KLK14: variants seen among roughly 807,000 people sequenced by gnomAD.
KLK14 encodes the protein kallikrein related peptidase 14.
KLK14 carries 21 observed loss-of-function variants against 24.6 expected under a neutral mutation model. The ratio of observed to expected loss-of-function variants is 0.85; its 90% confidence interval spans 0.61 to 1.23. KLK14 has a LOEUF of 1.23. Among genes scored for constraint, KLK14 ranks in the 50% most tolerant of loss-of-function variants. The pLI, the probability that KLK14 is intolerant of heterozygous loss-of-function variation, is 0.00. For missense variants in KLK14, 320 were observed against 338.9 expected, an observed-to-expected ratio of 0.94 and a Z score of 0.44; for synonymous variants, 133 against 139.7, an observed-to-expected ratio of 0.95 and a Z score of 0.34.
chr19:51,083,280 A>AGAGAGG (rs1007985506), upstream of KLK14, among the ~76,000 whole-genome samples: 2 of 122,590 alleles, frequency 1.6e-5, no homozygotes, highest in Non-Finnish European at 3.4e-5. Context: ...GGGAGGAGGG[A>AGAGAGG]GAGAGGGAGA....
Position 51,078,018 on chromosome 19 carries a change from G to A in KLK14, c.745C>T (p.Arg249Trp), listed in dbSNP as rs532898894. The change falls in exon 6 of 6, where the codon CGG (arginine) becomes TGG (tryptophan). Residue 249 changes from arginine (R) to tryptophan (W), a missense_variant. By Grantham distance (101) the Arg-to-Trp change is moderately radical. Transcript: ENST00000650543. This position sits in a 1 kb window ranked among gnomAD's most constrained non-coding sequence, Gnocchi z 5.0. The stretch of plus-strand genomic sequence containing the variant: ...CACCGTGAAGACCATCATTTGTCCC[G>A]CATCGTTTCCTCAATCCAGCTTCTG... ...KYRSWIEETM[R>W]DK 1.6e-5 allele frequency: 26 copies of A among 1,613,844 alleles called. No homozygotes were observed. Among genetic ancestry groups the A allele is most frequent in the South Asian group, 8.8e-5 (8 of 91,082 alleles).
At chr19:51,081,502 G>C (rs2091838755) in intron 3 of KLK14, 30 bp downstream of exon 3, 2 of 1,445,586 alleles carry the variant, frequency 1.4e-6, no homozygotes, top group Non-Finnish European at 1.8e-6. Context: ...GAATTCACTA[G>C]GTACAGGGAC....
At chr19:51,080,039 C>T (rs2091830608) in intron 3 of KLK14, among the ~76,000 whole-genome samples, 1 of 152,232 alleles carries the variant, frequency 6.6e-6, no homozygotes, top group Non-Finnish European at 1.5e-5. Flanking sequence ...TGAGTCTAGG[C>T]TCTAAATCGG....
In KLK14 at chr19:51,081,369, C is replaced by T. The variant is rs2091837931; in HGVS notation, c.212+163G>A. Reference sequence around the variant, plus strand: ...TGAGTTCGAGATTTATGGAGGAGCCCACATCCCGAGCTGTGTTTTTGTTCC... The same window carrying T: ...TGAGTTCGAGATTTATGGAGGAGCCTACATCCCGAGCTGTGTTTTTGTTCC... On this transcript the variant is annotated intron_variant, in intron 3 of 5. Transcript: ENST00000650543. Among the ~76,000 whole-genome samples the T allele has an allele frequency of 2.2e-5, 3 of 137,040 alleles. No individual in the cohort carries two copies. In the South Asian group the frequency reaches 7.1e-4, roughly 33 times the overall value. 89.9% of individuals were successfully genotyped at this position (137,040 alleles called of 152,430 possible). A position where few individuals can be genotyped will look rare whatever the true frequency, so the allele number is the denominator to read the frequency against.
intron 2 of KLK14, among the ~76,000 whole-genome samples, chr19:51,082,345 A>G (rs968462149): frequency 5.9e-5 from 9 of 151,968 alleles, no homozygotes; most frequent in Non-Finnish European, 8.8e-5. Context: ...TTCCTTATGT[A>G]TTTTGCACCA....
At chr19:51,080,287 G>A (rs11672001) in intron 3 of KLK14, among the ~76,000 whole-genome samples, 15,244 of 151,996 alleles carry the variant, frequency 0.1, 904 homozygotes, top group South Asian at 0.18. Context: ...TGATTCTCCC[G>A]CCTCAGCCTC....
chr19:51,079,745 C>T (rs575032080), intron 3 of KLK14, 43 bp from the exon 4 acceptor site: 115 of 1,524,268 alleles, frequency 7.5e-5, no homozygotes, highest in Non-Finnish European at 9.4e-5. Context: ...GGGTCTGAGC[C>T]AGAGACTCCT....
At chr19:51,079,753 C>T in intron 3 of KLK14, 51 bp from the exon 4 acceptor site, 1 of 1,510,994 alleles carries the variant, frequency 6.6e-7, no homozygotes, top group South Asian at 1.2e-5. Context: ...GCCAGAGACT[C>T]CTCCCCACCC....
chr19:51,079,374 C>G (rs963657892), intron 4 of KLK14, 75 bp downstream of exon 4: 12 of 1,413,404 alleles, frequency 8.5e-6, no homozygotes, highest in African/African-American at 1.4e-5. Flanking sequence ...GAGCCCCAGT[C>G]CCCCCAGCTC....
Position 51,082,738 on chromosome 19 carries a change from T to G in KLK14, c.-39A>C. On this transcript the variant is annotated 5_prime_UTR_variant, in exon 1 of 6. Coordinates refer to ENST00000650543, the MANE Select transcript of KLK14 (RefSeq NM_001369775.2). ...GGCACTTACCCAGAGCCCAAGACCC[T>G]CAGGGACATGAAGACACAGCAGAGA... 6.2e-7 allele frequency: 1 copy of G among 1,613,584 alleles called. No homozygotes were observed. Among genetic ancestry groups the G allele is most frequent in the Non-Finnish European group, 8.5e-7 (1 of 1,179,888 alleles).
At chr19:51,077,595 GGGGCTGGGCCTGGACTCCTGGGTCTCA>G (rs2091809989), downstream of KLK14, 1 of 208,526 alleles carries the variant, frequency 4.8e-6, no homozygotes, top group Admixed American at 5.5e-5. Flanking sequence ...TGAGGGAGGA[GGGGCTGGGCCTGGACTCCTGGGTCTCA>G]AGGAGGAGGG....
rs2091818170 is a variant in KLK14, at chr19:51,078,750, T to TGCAGACTTCCATGCTGCA, written c.603+64_603+65insTGCAGCATGGAAGTCTGC. The stretch of plus-strand genomic sequence containing the variant: ...AGACCTCTGCAGACTTCCATGCTCC[T>TGCAGACTTCCATGCTGCA]GACATCATTTGCTTAAATCCCAGTC... On this transcript the variant is annotated intron_variant, in intron 5 of 5. Transcript: ENST00000650543. This position sits in a 1 kb window ranked among gnomAD's most constrained non-coding sequence, Gnocchi z 5.0. 1 of 1,584,218 alleles carries TGCAGACTTCCATGCTGCA rather than the reference T, an allele frequency of 6.3e-7. No homozygotes were observed. Among genetic ancestry groups the TGCAGACTTCCATGCTGCA allele is most frequent in the Non-Finnish European group, 8.6e-7 (1 of 1,164,034 alleles).
intron 2 of KLK14, 134 bp downstream of exon 2, chr19:51,082,441 C>A: frequency 1.3e-6 from 1 of 777,272 alleles, no homozygotes; most frequent in Non-Finnish European, 2.1e-6. Flanking sequence ...CGTTCCCCCA[C>A]CATGACCCCC....
rs771109638 is a variant in KLK14 at position 51,082,790 on chromosome 19, G to A, written c.-91C>T. On this transcript the variant is annotated 5_prime_UTR_variant, in exon 1 of 6. Transcript: ENST00000650543. ...GTAGGGACCAGAGACGAGGGGGGCG[G>A]GGCCTGCAGGCTCTGCGGGCGGCAG... is the stretch of plus-strand genomic sequence containing the variant. 4 of 1,605,922 alleles carry A rather than the reference G, an allele frequency of 2.5e-6. No homozygotes were observed. Among genetic ancestry groups the A allele is most frequent in the Middle Eastern group, 1.9e-4 (1 of 5,176 alleles).
intron 3 of KLK14, among the ~76,000 whole-genome samples, chr19:51,079,975 G>A (rs1009134769): frequency 2.6e-5 from 4 of 152,156 alleles, no homozygotes; most frequent in African/African-American, 4.8e-5. Context: ...GCTTGGCTCC[G>A]TGCCAGGGTC....
chr19:51,084,165 A>T (rs2091856799), upstream of KLK14: 1 of 152,460 alleles, frequency 6.6e-6, no homozygotes, highest in Admixed American at 6.5e-5. Flanking sequence ...CTCCTGAGAG[A>T]TGGGGGAGCA....
In KLK14 at chr19:51,078,704, C is replaced by T; in HGVS notation, c.603+111G>A. The T allele has an allele frequency of 1.4e-6, 2 of 1,407,300 alleles. No homozygotes were observed. The highest frequency in any genetic ancestry group is 1.9e-6 in the Non-Finnish European group (2 of 1,033,032). The allele number at this position is 1,407,300 out of a possible 1,614,324, so 87.2% of individuals were successfully genotyped here. ...CCTGGCTATCGGAATCTCTCTGTGC[C>T]TGCGGTTCACTCTCTTCTGAAGACC... On this transcript the variant is annotated intron_variant, in intron 5 of 5. Transcript: ENST00000650543. The surrounding 1 kb of genome is among the most constrained non-coding windows in gnomAD (Gnocchi z 5.0).
rs891800106 is a variant in KLK14, at chr19:51,079,830, AGGCCGAG to A, written c.213-135_213-129del. ...GTCTAGCCTGCTTCTCACTAACTGC[AGGCCGAG>A]CATTCTTGGCCTCCTGTGCCCTTCC... On this transcript the variant is annotated intron_variant, in intron 3 of 5. Coordinates refer to ENST00000650543, the MANE Select transcript of KLK14 (RefSeq NM_001369775.2). 719 of 1,394,954 alleles carry A rather than the reference AGGCCGAG, an allele frequency of 5.2e-4. 3 individuals are homozygous for A. Among genetic ancestry groups the A allele is most frequent in the Non-Finnish European group, 1.1e-4 (114 of 1,053,722 alleles). 86.4% of individuals were successfully genotyped at this position (1,394,954 alleles called of 1,614,324 possible). A position where few individuals can be genotyped will look rare whatever the true frequency, so the allele number is the denominator to read the frequency against.
upstream of KLK14, among the ~76,000 whole-genome samples, chr19:51,083,909 C>T (rs1048716608): frequency 2.0e-5 from 3 of 151,940 alleles, no homozygotes; most frequent in South Asian, 2.1e-4. Context: ...GGGCATGAGA[C>T]GTGGAAGAGA....
Sources: allele counts gnomAD v4.1 joint callset (sites outside exome capture counted in the v4.1 genomes callset), GRCh38; gene constraint gnomAD v4.1.1; non-coding constraint Gnocchi (gnomAD v3.1); transcripts MANE v1.5; gene names NCBI Gene and HGNC (gene_info 2026-07-23, HGNC 2026-07-21).